The following SEMA5A variants were observed in gnomAD, a reference collection of about 807,000 sequenced individuals.
SEMA5A encodes the protein semaphorin-5A.
Under a neutral mutation model 135.5 loss-of-function variants are expected in SEMA5A, and 55 were observed. The ratio of observed to expected loss-of-function variants is 0.41; its 90% confidence interval spans 0.33 to 0.51. The LOEUF is 0.51. Among genes scored for constraint, SEMA5A ranks in the 20% least tolerant of loss-of-function variants. The pLI, the probability that SEMA5A is intolerant of heterozygous loss-of-function variation, is 0.37. For missense variants in SEMA5A, 1,290 were observed against 1,419.9 expected (o/e 0.91, Z 1.47); for synonymous variants, 580 against 546.5 (o/e 1.06, Z -0.85).
At chr5:9,273,505 C>T (rs148209770) in intron 5 of SEMA5A, among the ~76,000 whole-genome samples, 8,579 of 152,036 alleles carry the variant, frequency 0.056, 276 homozygotes, top group Middle Eastern at 0.18. Context: ...AAAGATACTC[C>T]TCGAAAAGAG....
chr5:9,087,143 T>G (rs253631), intron 16 of SEMA5A, among the ~76,000 whole-genome samples: 1,608 of 152,324 alleles, frequency 0.011, 33 homozygotes, highest in African/African-American at 0.037. Flanking sequence ...CTACCAGGTA[T>G]GGGTCAGCAA....
At chr5:9,094,102 G>T (rs1397064949) in intron 16 of SEMA5A, among the ~76,000 whole-genome samples, 11 of 152,056 alleles carry the variant, frequency 7.2e-5, no homozygotes, top group Non-Finnish European at 8.8e-5. Context: ...TTTCTCCTAA[G>T]CCAGAAAGGA....
chr5:9,297,335 A>T (rs1333519150), intron 5 of SEMA5A, among the ~76,000 whole-genome samples: 1 of 152,054 alleles, frequency 6.6e-6, no homozygotes, highest in Non-Finnish European at 1.5e-5. Context: ...TGAGAAATTC[A>T]TATGTTGAAA....
intron 1 of SEMA5A, among the ~76,000 whole-genome samples, chr5:9,494,342 G>C (rs1011885937): frequency 6.6e-6 from 1 of 152,152 alleles, no homozygotes; most frequent in Admixed American, 6.6e-5. Context: ...AATTGAGTAG[G>C]TATATGGTGA....
chr5:9,455,377 T>C (rs1045265961), intron 1 of SEMA5A, among the ~76,000 whole-genome samples: 1 of 151,896 alleles, frequency 6.6e-6, no homozygotes, highest in Non-Finnish European at 1.5e-5. Context: ...TGCCCCAGCC[T>C]CCCGAGTAGC....
intron 12 of SEMA5A, among the ~76,000 whole-genome samples, chr5:9,138,922 T>C (rs987059416): frequency 6.6e-6 from 1 of 152,252 alleles, no homozygotes; most frequent in Admixed American, 6.5e-5. Flanking sequence ...CAGGTTACTG[T>C]TAATTTATTC....
chr5:9,256,247 A>G (rs1188158133), intron 5 of SEMA5A, among the ~76,000 whole-genome samples: 1 of 152,182 alleles, frequency 6.6e-6, no homozygotes, highest in Non-Finnish European at 1.5e-5. Context: ...CTAAAACACA[A>G]TTCAAAGTCT....
intron 1 of SEMA5A, among the ~76,000 whole-genome samples, chr5:9,528,381 T>C (rs1737254196): frequency 6.6e-6 from 1 of 152,202 alleles, no homozygotes; most frequent in Non-Finnish European, 1.5e-5. Flanking sequence ...TCACTAAACA[T>C]GAGAAATGGG....
intron 2 of SEMA5A, among the ~76,000 whole-genome samples, chr5:9,436,531 C>T (rs568196691): frequency 7.0e-4 from 107 of 152,284 alleles, no homozygotes; most frequent in Middle Eastern, 6.8e-3. Context: ...TCCTCATAGA[C>T]GAAGCCAGGG....
intron 21 of SEMA5A, among the ~76,000 whole-genome samples, chr5:9,049,324 C>T (rs1736441960): frequency 1.3e-5 from 2 of 152,068 alleles, no homozygotes; most frequent in African/African-American, 2.4e-5. Flanking sequence ...ATCATGCCAG[C>T]TAATTTTTAC....
chr5:9,062,859 T>C, intron 18 of SEMA5A, 28 bp downstream of exon 18: 1 of 1,611,320 alleles, frequency 6.2e-7, no homozygotes, highest in Non-Finnish European at 8.5e-7. Context: ...AGTTTTCAGA[T>C]GTTTTGTAGA....
At chr5:9,138,950 G>GTA (rs1200824686) in intron 12 of SEMA5A, among the ~76,000 whole-genome samples, 1 of 152,168 alleles carries the variant, frequency 6.6e-6, no homozygotes, top group Non-Finnish European at 1.5e-5. Context: ...TGGCTGAGTA[G>GTA]TATTCCACCA....
intron 1 of SEMA5A, among the ~76,000 whole-genome samples, chr5:9,467,680 A>C (rs1759312394): frequency 2.0e-5 from 3 of 152,118 alleles, no homozygotes. Context: ...GGAGCCTCTA[A>C]GCCAGGATCA....
At chr5:9,245,232 C>T (rs1171211877) in intron 5 of SEMA5A, among the ~76,000 whole-genome samples, 1 of 152,096 alleles carries the variant, frequency 6.6e-6, no homozygotes, top group Non-Finnish European at 1.5e-5. Context: ...CTGGAGTATT[C>T]ACATGTCTAT....
chr5:9,128,662 A>G (rs145980072), intron 13 of SEMA5A, among the ~76,000 whole-genome samples: 249 of 152,322 alleles, frequency 1.6e-3, no homozygotes, highest in African/African-American at 5.9e-3. Flanking sequence ...TACAGTCTAT[A>G]TGATTTAATT....
intron 5 of SEMA5A, among the ~76,000 whole-genome samples, chr5:9,267,143 A>G (rs1749724328): frequency 6.6e-6 from 1 of 151,510 alleles, no homozygotes; most frequent in South Asian, 2.1e-4. Flanking sequence ...AAACAGCAGG[A>G]TGAGGCTCTT....
intron 2 of SEMA5A, among the ~76,000 whole-genome samples, chr5:9,419,032 C>A (rs2126626582): frequency 6.6e-6 from 1 of 152,242 alleles, no homozygotes; most frequent in South Asian, 2.1e-4. Flanking sequence ...CTTAACACTG[C>A]TTTGGCTGCA....
intron 9 of SEMA5A, among the ~76,000 whole-genome samples, chr5:9,198,737 T>G (rs887099474): frequency 6.6e-6 from 1 of 152,108 alleles, no homozygotes; most frequent in African/African-American, 2.4e-5. Flanking sequence ...TGGGAGAAGT[T>G]AAAACACAAG....
intron 5 of SEMA5A, among the ~76,000 whole-genome samples, chr5:9,297,661 C>T (rs1476193721): frequency 6.6e-6 from 1 of 152,014 alleles, no homozygotes; most frequent in African/African-American, 2.4e-5. Flanking sequence ...CTCAAATGAT[C>T]CTCCCACCTC....
Sources: allele counts gnomAD v4.1 joint callset (sites outside exome capture counted in the v4.1 genomes callset), GRCh38; gene constraint gnomAD v4.1.1; transcripts MANE v1.5; gene names NCBI Gene and HGNC (gene_info 2026-07-23, HGNC 2026-07-21).